Variants in PDE11A observed in about 807,000 individuals in gnomAD.
PDE11A encodes the protein phosphodiesterase 11A, also known as dual 3',5'-cyclic-AMP and -GMP phosphodiesterase 11A.
PDE11A carries 100 observed loss-of-function variants against 100.5 expected under a neutral mutation model. That is an observed-to-expected ratio of 1.00 (90% CI 0.85 to 1.18). The LOEUF (loss-of-function observed/expected upper bound fraction) is 1.18. Among genes scored for constraint, PDE11A ranks in the 50% most tolerant of loss-of-function variants. The probability of loss-of-function intolerance (pLI) is 0.00; values close to 1 mark genes in which losing one functional copy is unlikely to be tolerated. For synonymous variants in PDE11A, 381 were observed against 420.8 expected (o/e 0.91, Z 1.16); for missense variants, 1,141 against 1,152.6 (o/e 0.99, Z 0.15).
At chr2:177,648,656 ATATAT>A (rs2080259486) in intron 19 of PDE11A, among the ~76,000 whole-genome samples, 1 of 152,148 alleles carries the variant, frequency 6.6e-6, no homozygotes, top group Admixed American at 6.5e-5. Context: ...AGACATTAAA[ATATAT>A]TATAAAGTGA....
chr2:178,056,036 G>C (rs2086895893), intron 1 of PDE11A, among the ~76,000 whole-genome samples: 1 of 151,918 alleles, frequency 6.6e-6, no homozygotes. Context: ...GAAAAAAAAA[G>C]CTCTCAGAAA....
chr2:178,014,153 C>T (rs2086305169), intron 2 of PDE11A, 149 bp downstream of exon 2: 1 of 634,178 alleles, frequency 1.6e-6, no homozygotes, highest in Non-Finnish European at 2.8e-6. Flanking sequence ...GAAAAACTCC[C>T]ATTTCATTTT....
intron 13 of PDE11A, among the ~76,000 whole-genome samples, chr2:177,702,084 C>T (rs1258221210): frequency 6.6e-6 from 1 of 152,052 alleles, no homozygotes; most frequent in African/African-American, 2.4e-5. Context: ...ATGACTATTT[C>T]CATTTTAAAT....
At chr2:177,785,573 T>C (rs6733980) in intron 9 of PDE11A, among the ~76,000 whole-genome samples, 50,587 of 141,276 alleles carry the variant, frequency 0.36, 8,794 homozygotes, top group African/African-American at 0.42. Context: ...TGAGCCGAAG[T>C]AGGGCGAGGC....
intron 2 of PDE11A, among the ~76,000 whole-genome samples, chr2:177,928,167 AATGAATACTCACAAAGCTTTATGAC>A (rs1442929174): frequency 6.6e-6 from 1 of 151,894 alleles, no homozygotes; most frequent in Non-Finnish European, 1.5e-5. Context: ...AATCTCATCT[AATGAATACTCACAAAGCTTTATGAC>A]AATCACTTGA....
chr2:177,931,986 C>T (rs1450258370), intron 2 of PDE11A, among the ~76,000 whole-genome samples: 1 of 148,294 alleles, frequency 6.7e-6, no homozygotes, highest in African/African-American at 2.5e-5. Context: ...AGTGGCATTA[C>T]AACTGATCCC....
At chr2:177,915,027 G>C (rs2084931943) in intron 2 of PDE11A, among the ~76,000 whole-genome samples, 1 of 152,020 alleles carries the variant, frequency 6.6e-6, no homozygotes, top group Non-Finnish European at 1.5e-5. Flanking sequence ...TTAAAATTTT[G>C]TTTTAAAGAA....
intron 2 of PDE11A, among the ~76,000 whole-genome samples, chr2:178,012,393 C>T (rs527934853): frequency 4.1e-4 from 62 of 152,294 alleles, no homozygotes; most frequent in African/African-American, 1.5e-3. Flanking sequence ...GTATTTTACA[C>T]TTGCCTAGTT....
intron 2 of PDE11A, among the ~76,000 whole-genome samples, chr2:177,992,264 C>T (rs1371238091): frequency 2.0e-5 from 3 of 151,094 alleles, no homozygotes; most frequent in South Asian, 2.1e-4. Context: ...TAATACAAGA[C>T]CAAAGTTTAA....
chr2:177,685,550 CT>C (rs148392753), intron 15 of PDE11A, among the ~76,000 whole-genome samples: 1 of 151,748 alleles, frequency 6.6e-6, no homozygotes, highest in African/African-American at 2.4e-5. Flanking sequence ...CTTTTTTTCT[CT>C]TTTTTTTGTT....
intron 19 of PDE11A, among the ~76,000 whole-genome samples, chr2:177,646,034 G>A (rs373046193): frequency 1.4e-4 from 22 of 152,272 alleles, no homozygotes; most frequent in African/African-American, 5.1e-4. Flanking sequence ...AGATTCTTTT[G>A]TGGAAAATAA....
At chr2:177,881,037 G>C (rs2084325138) in intron 4 of PDE11A, among the ~76,000 whole-genome samples, 1 of 152,180 alleles carries the variant, frequency 6.6e-6, no homozygotes, top group Non-Finnish European at 1.5e-5. Flanking sequence ...TCAATAAATT[G>C]AGTAAAGAAG....
chr2:177,789,883 TAA>T (rs1266968957), intron 9 of PDE11A, among the ~76,000 whole-genome samples: 1 of 151,764 alleles, frequency 6.6e-6, no homozygotes, highest in African/African-American at 2.4e-5. Flanking sequence ...CTCAATGAAA[TAA>T]AAGAGGATAC....
chr2:177,820,433 T>C (rs763065355), intron 6 of PDE11A, 138 bp from the exon 7 acceptor site: 13 of 634,086 alleles, frequency 2.1e-5, no homozygotes, highest in Non-Finnish European at 3.5e-5. Context: ...AATTTTGTAA[T>C]GCATAAACTC....
At chr2:177,783,241 G>A (rs1294444527) in intron 9 of PDE11A, among the ~76,000 whole-genome samples, 1 of 152,158 alleles carries the variant, frequency 6.6e-6, no homozygotes, top group Non-Finnish European at 1.5e-5. Flanking sequence ...AAGAGGGCTT[G>A]TCAAGGATTT....
intron 5 of PDE11A, among the ~76,000 whole-genome samples, chr2:177,845,033 C>T (rs1436999027): frequency 1.3e-5 from 2 of 151,800 alleles, no homozygotes; most frequent in Non-Finnish European, 2.9e-5. Flanking sequence ...CATCCTGGCC[C>T]GTTCTCAATG....
chr2:178,073,014 C>T (rs1367645835), upstream of PDE11A: 8 of 985,246 alleles, frequency 8.1e-6, no homozygotes, highest in Non-Finnish European at 9.6e-6. Flanking sequence ...GTTCCTTCCC[C>T]GCTTCTTGCT....
chr2:178,104,194 T>C lies in PDE11A; in HGVS notation c.162+108A>G, dbSNP rs1253274493. On this transcript the variant is annotated intron_variant, in intron 2 of 20. Coordinates refer to the PDE11A transcript ENST00000358450. ...CCATATTTCAGTAATATGTAAAGAG[T>C]GGTCCATTTTTAACGCTGCAAATTA... 4.2e-6 allele frequency: 4 copies of C among 954,748 alleles called. No individual in the cohort carries two copies. In the African/African-American group the frequency reaches 4.8e-5, roughly 12 times the overall value. 59.1% of individuals were successfully genotyped at this position (954,748 alleles called of 1,614,324 possible).
chr2:177,679,723 T>A (rs956782406), intron 16 of PDE11A, among the ~76,000 whole-genome samples: 2 of 152,014 alleles, frequency 1.3e-5, no homozygotes, highest in Non-Finnish European at 2.9e-5. Context: ...GATGACTTTT[T>A]GATTGGGGAG....
Sources: gnomAD v4.1 joint callset for allele counts (sites outside exome capture counted in the v4.1 genomes callset) on GRCh38, gnomAD v4.1.1 for gene constraint, MANE v1.5 for transcripts, NCBI Gene and HGNC (gene_info 2026-07-23, HGNC 2026-07-21) for gene names.